The following MAD1L1 variants were observed in gnomAD, a reference collection of about 807,000 sequenced individuals.
MAD1L1 encodes mitotic spindle assembly checkpoint protein MAD1.
In MAD1L1, 95 loss-of-function variants were observed where a neutral mutation model predicts 96.9. The ratio of observed to expected loss-of-function variants is 0.98; its 90% confidence interval spans 0.83 to 1.16. The LOEUF (loss-of-function observed/expected upper bound fraction) is 1.16. Ranked by LOEUF, MAD1L1 falls within the 50% of genes most tolerant of loss-of-function variation. The probability of loss-of-function intolerance (pLI) is 0.00; values close to 1 mark genes in which losing one functional copy is unlikely to be tolerated. For synonymous variants in MAD1L1, 473 were observed against 396.6 expected (o/e 1.19, Z -2.29); for missense variants, 1,007 against 954.4 (o/e 1.06, Z -0.73).
chr7:1,961,656 T>C (rs1779953935), intron 15 of MAD1L1, among the ~76,000 whole-genome samples: 1 of 152,244 alleles, frequency 6.6e-6, no homozygotes, highest in Non-Finnish European at 1.5e-5. Flanking sequence ...CAAAGATTTC[T>C]TAGCTATGAT....
intron 18 of MAD1L1, among the ~76,000 whole-genome samples, chr7:1,896,409 T>C (rs1245675902): frequency 6.6e-6 from 1 of 152,102 alleles, no homozygotes; most frequent in Non-Finnish European, 1.5e-5. Flanking sequence ...GGGATGGACC[T>C]GGTGTCCAGC....
At chr7:2,154,990 G>A (rs1453651673) in intron 10 of MAD1L1, among the ~76,000 whole-genome samples, 1 of 152,052 alleles carries the variant, frequency 6.6e-6, no homozygotes, top group Non-Finnish European at 1.5e-5. Context: ...AGGAGCCCAG[G>A]AGGCTCTGGG....
chr7:2,189,826 C>T (rs566093457), intron 10 of MAD1L1, among the ~76,000 whole-genome samples: 16 of 152,190 alleles, frequency 1.1e-4, no homozygotes, highest in African/African-American at 3.4e-4. Context: ...TACAACAAAT[C>T]GGGGAAAAGA....
chr7:1,835,306 T>A (rs1423844051), intron 18 of MAD1L1, among the ~76,000 whole-genome samples: 2 of 152,092 alleles, frequency 1.3e-5, no homozygotes, highest in African/African-American at 4.8e-5. Context: ...ATCCTGAAGG[T>A]TCCAGCTAGT....
chr7:1,909,336 G>A (rs1384681301), intron 17 of MAD1L1, among the ~76,000 whole-genome samples: 1 of 152,232 alleles, frequency 6.6e-6, no homozygotes, highest in African/African-American at 2.4e-5. Context: ...CCAATGCCGA[G>A]CCAGGCTTCC....
chr7:2,213,136 G>A, intron 10 of MAD1L1, 76 bp downstream of exon 10: 1 of 1,497,480 alleles, frequency 6.7e-7, no homozygotes, highest in Non-Finnish European at 9.3e-7. Flanking sequence ...GCGCTGGTGA[G>A]CCGGAAGCAG....
At chr7:1,923,191 G>T (rs1788896598) in intron 17 of MAD1L1, among the ~76,000 whole-genome samples, 1 of 152,206 alleles carries the variant, frequency 6.6e-6, no homozygotes, top group Non-Finnish European at 1.5e-5. Flanking sequence ...TTATTTAATG[G>T]TTCTAGGATT....
chr7:2,064,754 A>G (rs901942117), intron 12 of MAD1L1, among the ~76,000 whole-genome samples: 11 of 149,576 alleles, frequency 7.4e-5, no homozygotes, highest in Non-Finnish European at 1.5e-4. Flanking sequence ...GAGGATGAGG[A>G]TGGCAGCTTC....
intron 18 of MAD1L1, among the ~76,000 whole-genome samples, chr7:1,819,390 A>G (rs1782005465): frequency 6.6e-6 from 1 of 151,872 alleles, no homozygotes; most frequent in Admixed American, 6.6e-5. Flanking sequence ...AGACTGAGAC[A>G]CTCACTCTTA....
intron 16 of MAD1L1, among the ~76,000 whole-genome samples, chr7:1,956,218 C>G (rs934372289): frequency 2.0e-5 from 3 of 152,174 alleles, no homozygotes; most frequent in Non-Finnish European, 2.9e-5. Flanking sequence ...CTCACCTTCC[C>G]CAGGGCCACC....
intron 18 of MAD1L1, among the ~76,000 whole-genome samples, chr7:1,869,925 C>T (rs949369250): frequency 6.6e-6 from 1 of 152,166 alleles, no homozygotes; most frequent in South Asian, 2.1e-4. Context: ...CAGGAAGCAA[C>T]GGGGTCCAAC....
At chr7:2,020,104 G>C (rs916330922) in intron 12 of MAD1L1, among the ~76,000 whole-genome samples, 2 of 152,246 alleles carry the variant, frequency 1.3e-5, no homozygotes, top group Non-Finnish European at 2.9e-5. Flanking sequence ...CTGTCGCTCA[G>C]ACCACGGAGG....
chr7:2,033,812 C>T (rs1783341271), intron 12 of MAD1L1, among the ~76,000 whole-genome samples: 1 of 152,230 alleles, frequency 6.6e-6, no homozygotes, highest in African/African-American at 2.4e-5. Context: ...GTAACAATTG[C>T]CTAAAAAGTA....
At chr7:2,200,197 A>G (rs1792213375) in intron 10 of MAD1L1, 1 of 151,674 alleles carries the variant, frequency 6.6e-6, no homozygotes, top group Non-Finnish European at 1.5e-5. Context: ...GCGCCCACCC[A>G]ACCACCCCAC....
chr7:2,057,990 GGA>G (rs1004727019), intron 12 of MAD1L1, among the ~76,000 whole-genome samples: 1 of 150,068 alleles, frequency 6.7e-6, no homozygotes, highest in African/African-American at 2.5e-5. Context: ...CCAGAGGAGA[GGA>G]GAGGCGCGGG....
chr7:1,999,629 C>T (rs1203251348), intron 14 of MAD1L1, among the ~76,000 whole-genome samples: 1 of 152,160 alleles, frequency 6.6e-6, no homozygotes, highest in African/African-American at 2.4e-5. Context: ...CTGCTGGCCC[C>T]AGCCCCTTTC....
chr7:2,044,508 G>A (rs1346968037), intron 12 of MAD1L1, among the ~76,000 whole-genome samples: 1 of 152,216 alleles, frequency 6.6e-6, no homozygotes, highest in Non-Finnish European at 1.5e-5. Flanking sequence ...GTGAATCCCA[G>A]AGGAGCCCGC....
chr7:1,853,674 C>T (rs929048370), intron 18 of MAD1L1, among the ~76,000 whole-genome samples: 4 of 152,174 alleles, frequency 2.6e-5, no homozygotes, highest in African/African-American at 9.7e-5. Context: ...ACGGGGGCCC[C>T]CTGCCTCTCC....
chr7:1,871,306 C>T, intron 18 of MAD1L1, among the ~76,000 whole-genome samples: 1 of 147,336 alleles, frequency 6.8e-6, no homozygotes. Flanking sequence ...CACACTGAAC[C>T]CAACATACGC....
Sources: gnomAD v4.1 joint callset for allele counts (sites outside exome capture counted in the v4.1 genomes callset) on GRCh38, gnomAD v4.1.1 for gene constraint, MANE v1.5 for transcripts, NCBI Gene and HGNC (gene_info 2026-07-23, HGNC 2026-07-21) for gene names.